The following ELOVL5 variants were observed in gnomAD, a reference collection of about 807,000 sequenced individuals.
ELOVL5 encodes ELOVL fatty acid elongase 5, also known as very long chain fatty acid elongase 5.
Under a neutral mutation model 38.6 loss-of-function variants are expected in ELOVL5, and 8 were observed. The ratio of observed to expected loss-of-function variants is 0.21; its 90% CI spans 0.12 to 0.37. The LOEUF is 0.37. ELOVL5 is among the 10% of genes least tolerant of loss of function. The pLI is 1.00. For missense variants in ELOVL5, 280 were observed against 367.8 expected, an observed-to-expected ratio of 0.76 and a Z score of 1.95; for synonymous variants, 127 against 133.7, an observed-to-expected ratio of 0.95 and a Z score of 0.34.
intron 1 of ELOVL5, among the ~76,000 whole-genome samples, chr6:53,301,628 A>G (rs1479957700): frequency 6.6e-6 from 1 of 152,216 alleles, no homozygotes; most frequent in East Asian, 1.9e-4. Context: ...GCCCAGTGAA[A>G]AAAAGTCCCA....
chr6:53,315,006 A>C (rs1425891470), intron 1 of ELOVL5, among the ~76,000 whole-genome samples: 1 of 152,254 alleles, frequency 6.6e-6, no homozygotes, highest in Non-Finnish European at 1.5e-5. Flanking sequence ...ATAAATTGCA[A>C]CTGGGTTGGA....
At chr6:53,346,275 G>A (rs898248038) in intron 1 of ELOVL5, among the ~76,000 whole-genome samples, 1 of 152,154 alleles carries the variant, frequency 6.6e-6, no homozygotes, top group Non-Finnish European at 1.5e-5. Flanking sequence ...ATTCCATGGT[G>A]TATATGTGCC....
chr6:53,270,468 G>A, intron 7 of ELOVL5, 125 bp downstream of exon 7: 1 of 1,010,976 alleles, frequency 9.9e-7, no homozygotes, highest in Non-Finnish European at 1.5e-6. Flanking sequence ...TCTTGTCATA[G>A]TGACTCCATT....
intron 1 of ELOVL5, among the ~76,000 whole-genome samples, chr6:53,322,633 T>G (rs2127587930): frequency 2.0e-5 from 3 of 152,292 alleles, no homozygotes. Context: ...AGCTTCCATT[T>G]AGAATCAACC....
At chr6:53,335,910 G>C (rs1379311328) in intron 1 of ELOVL5, among the ~76,000 whole-genome samples, 2 of 152,152 alleles carry the variant, frequency 1.3e-5, no homozygotes, top group African/African-American at 4.8e-5. Context: ...GGAAGACTGA[G>C]GCCACACTAA....
At position 53,268,088 on chromosome 6, in the gene ELOVL5, C is replaced by T. The variant is rs1765800549; in HGVS notation, c.*1039G>A. The T allele has an allele frequency of 6.6e-6, 1 of 152,154 alleles. No homozygotes were observed. Among genetic ancestry groups the T allele is most frequent in the African/African-American group, 2.4e-5 (1 of 41,432 alleles). The allele number at this position is 152,154 out of a possible 1,614,324, so 9.4% of individuals were successfully genotyped here. On this transcript the variant is annotated 3_prime_UTR_variant, in exon 8 of 8. Coordinates refer to ENST00000304434, the MANE Select transcript of ELOVL5 (RefSeq NM_021814.5). ...TTAAAAAGTTCTAAGGTCCTTTCCC[C>T]CCCTTTGTTAATTTTGGTAAACTAG... is the stretch of plus-strand genomic sequence containing the variant.
rs1363326075 is a variant in ELOVL5 at position 53,291,759 on chromosome 6, G to C, written c.246+17C>G. 1 of 1,594,256 alleles carries C rather than the reference G, an allele frequency of 6.3e-7. No individual in the cohort carries two copies. The highest frequency in any genetic ancestry group is 8.6e-7 in the Non-Finnish European group (1 of 1,168,948). ...TGCATTTATGTGAAAGGAAGACTGT[G>C]TTAACCTTTGACTTACCTCACAGAA... On this transcript the variant is annotated intron_variant, in intron 3 of 7. Coordinates refer to ENST00000304434, the MANE Select transcript of ELOVL5 (RefSeq NM_021814.5).
rs149554987 is a variant in ELOVL5 at position 53,338,270 on chromosome 6, T to C, written c.-9+10547A>G. 2.5e-3 allele frequency among the ~76,000 whole-genome samples: 386 copies of C among 152,280 alleles called. 1 individual carries two copies. Among genetic ancestry groups the C allele is most frequent in the Non-Finnish European group, 4.5e-3 (305 of 68,020 alleles). On this transcript the variant is annotated intron_variant, in intron 1 of 7. Transcript: ENST00000304434. The stretch of plus-strand genomic sequence containing the variant: ...CCTGAACTCTGTACCAGGGGGTCAA[T>C]GAAAAGTACTTACCTTACTGTCACT...
At chr6:53,331,057 C>G (rs993328734) in intron 1 of ELOVL5, among the ~76,000 whole-genome samples, 1 of 152,180 alleles carries the variant, frequency 6.6e-6, no homozygotes, top group Non-Finnish European at 1.5e-5. Context: ...TAATGACAGG[C>G]AGTGGCTCAT....
chr6:53,277,369 T>C (rs1250606477), intron 3 of ELOVL5, among the ~76,000 whole-genome samples: 3 of 152,128 alleles, frequency 2.0e-5, no homozygotes, highest in Non-Finnish European at 4.4e-5. Flanking sequence ...AGGCTTTTCA[T>C]GGCCAAAGAA....
chr6:53,278,642 A>G (rs370831001), intron 3 of ELOVL5, among the ~76,000 whole-genome samples: 26 of 152,256 alleles, frequency 1.7e-4, no homozygotes, highest in African/African-American at 5.8e-4. Flanking sequence ...TCACTCCTGA[A>G]GCATAAACCA....
chr6:53,317,835 T>TA (rs66824098), intron 1 of ELOVL5, among the ~76,000 whole-genome samples: 48,318 of 147,616 alleles, frequency 0.33, 8,521 homozygotes, highest in African/African-American at 0.48. Flanking sequence ...AAAAAAAAAT[T>TA]AAAAAAAATA....
intron 1 of ELOVL5, among the ~76,000 whole-genome samples, chr6:53,334,968 TATCTGG>T (rs1768983598): frequency 6.6e-6 from 1 of 151,934 alleles, no homozygotes; most frequent in South Asian, 2.1e-4. Flanking sequence ...AGAGAAATGA[TATCTGG>T]TGCTGCTCCA....
intron 1 of ELOVL5, among the ~76,000 whole-genome samples, chr6:53,342,650 T>A (rs1183860884): frequency 6.6e-6 from 1 of 152,210 alleles, no homozygotes; most frequent in South Asian, 2.1e-4. Context: ...TATATTTCAA[T>A]AAAATTGTTA....
intron 3 of ELOVL5, among the ~76,000 whole-genome samples, chr6:53,285,600 T>A (rs1581932261): frequency 6.6e-6 from 1 of 152,222 alleles, no homozygotes; most frequent in South Asian, 2.1e-4. Context: ...GGAGCATTTT[T>A]ATTTTTAATT....
chr6:53,270,762 C>T lies in ELOVL5; in HGVS notation c.622-35G>A, dbSNP rs1403983872. 4 of 1,613,176 alleles carry T rather than the reference C, an allele frequency of 2.5e-6. No individual in the cohort carries two copies. The African/African-American group carries it at 5.3e-5, about 22-fold the overall frequency. On this transcript the variant is annotated intron_variant, in intron 6 of 7. Transcript: ENST00000304434. Reference sequence around the variant, plus strand: ...CAGAGGGGATGCAGCTGAACAGGGACAGTGCATGGACGAGGCCCCACACCA... The same window carrying T: ...CAGAGGGGATGCAGCTGAACAGGGATAGTGCATGGACGAGGCCCCACACCA...
intron 1 of ELOVL5, among the ~76,000 whole-genome samples, chr6:53,334,078 T>C (rs1768931659): frequency 6.6e-6 from 1 of 152,186 alleles, no homozygotes; most frequent in South Asian, 2.1e-4. Flanking sequence ...CCAAGTTAAT[T>C]GTGAAGGACA....
intron 1 of ELOVL5, among the ~76,000 whole-genome samples, chr6:53,300,119 T>C (rs1489719859): frequency 6.6e-6 from 1 of 152,116 alleles, no homozygotes; most frequent in Non-Finnish European, 1.5e-5. Context: ...GACTCTGGCA[T>C]GTTCAGTATT....
intron 1 of ELOVL5, among the ~76,000 whole-genome samples, chr6:53,300,177 ATCT>A (rs1409888869): frequency 2.0e-5 from 3 of 152,114 alleles, no homozygotes; most frequent in African/African-American, 4.8e-5. Flanking sequence ...ATATACTGTA[ATCT>A]TCTCAGGCAA....
Sources: allele counts gnomAD v4.1 joint callset (sites outside exome capture counted in the v4.1 genomes callset), GRCh38; gene constraint gnomAD v4.1.1; transcripts MANE v1.5; gene names NCBI Gene and HGNC (gene_info 2026-07-23, HGNC 2026-07-21).